The following ZNF710 variants were observed in gnomAD, a reference collection of about 807,000 sequenced individuals.
ZNF710 encodes the protein zinc finger protein 710.
A neutral mutation model predicts 50.6 loss-of-function variants in ZNF710; 13 were observed. That is an observed-to-expected ratio of 0.26 (90% CI 0.17 to 0.41). The LOEUF is 0.41. Ranked by LOEUF, ZNF710 falls within the 10% of genes least tolerant of loss-of-function variation. The probability of loss-of-function intolerance (pLI) is 1.00; values close to 1 mark genes in which losing one functional copy is unlikely to be tolerated. For missense variants in ZNF710, 721 were observed against 936.6 expected, an observed-to-expected ratio of 0.77 and a Z score of 3.01; for synonymous variants, 383 against 397.0, an observed-to-expected ratio of 0.96 and a Z score of 0.42.
intron 1 of ZNF710, among the ~76,000 whole-genome samples, chr15:90,058,701 T>TTATA (rs34907426): frequency 1.0e-4 from 15 of 143,596 alleles, no homozygotes; most frequent in Admixed American, 4.1e-4. Flanking sequence ...CACTATATAT[T>TTATA]TATATATATA....
intron 1 of ZNF710, among the ~76,000 whole-genome samples, chr15:90,030,206 G>A (rs1309117993): frequency 6.6e-6 from 1 of 151,440 alleles, no homozygotes; most frequent in Non-Finnish European, 1.5e-5. Flanking sequence ...GTGCATGCCT[G>A]TGATCCCAGC....
chr15:90,067,778 C>T lies in ZNF710; in HGVS notation c.641C>T (p.Thr214Ile). Reference sequence around the variant, plus strand: ...CTGCCTGGGCCAGAGGCCTTGCCCACAGAGTGTGGGTTCGAGCCACCCCAC... The same window carrying T: ...CTGCCTGGGCCAGAGGCCTTGCCCATAGAGTGTGGGTTCGAGCCACCCCAC... ...MALPGPEALPTECGFEPPHLA... is the reference protein window; with the variant it reads ...MALPGPEALPIECGFEPPHLA... Residue 214 changes from threonine (T) to isoleucine (I), a missense_variant, in exon 2 of 5, where the codon ACA becomes ATA. Thr to Ile is a moderately conservative substitution (Grantham distance 89). Transcript: ENST00000268154. The surrounding 1 kb of genome is among the most constrained non-coding windows in gnomAD (Gnocchi z 8.1). 1 of 1,585,822 alleles carries T rather than the reference C, an allele frequency of 6.3e-7. No individual in the cohort carries two copies. Among genetic ancestry groups the T allele is most frequent in the Non-Finnish European group, 8.6e-7 (1 of 1,167,062 alleles).
In ZNF710 at chr15:90,034,235, G is replaced by A. The variant is rs541948537; in HGVS notation, c.-29+32621G>A. Among the ~76,000 whole-genome samples, 2 of 148,690 alleles carry A rather than the reference G, an allele frequency of 1.3e-5. No homozygotes were observed. The highest frequency in any genetic ancestry group is 5.1e-5 in the African/African-American group (2 of 39,342). ...AAGAAAAGAAAAGAAAAGAAAACAG[G>A]TGAACGACAGTCACTCCTGGAGGGG... On this transcript the variant is annotated intron_variant, in intron 1 of 4. Transcript: ENST00000268154. The surrounding 1 kb of genome is among the most constrained non-coding windows in gnomAD (Gnocchi z 4.0).
At chr15:90,001,224 GAGAAA>G (rs1416175932), upstream of ZNF710, among the ~76,000 whole-genome samples, 6 of 152,128 alleles carry the variant, frequency 3.9e-5, no homozygotes, top group African/African-American at 1.4e-4. Flanking sequence ...GCGGTAGAAA[GAGAAA>G]AGAAAACTTG....
upstream of ZNF710, among the ~76,000 whole-genome samples, chr15:90,000,929 G>T (rs558092200): frequency 1.3e-5 from 2 of 152,072 alleles, no homozygotes; most frequent in East Asian, 3.9e-4. Context: ...ATTTCCAAGC[G>T]AGGTCTGCCT....
Position 90,079,701 on chromosome 15 carries a change from G to T in ZNF710, c.1867G>T (p.Asp623Tyr), listed in dbSNP as rs138919638. 14 of 1,613,812 alleles carry T rather than the reference G, an allele frequency of 8.7e-6. No individual in the cohort carries two copies. Among genetic ancestry groups the T allele is most frequent in the Middle Eastern group, 1.6e-4 (1 of 6,078 alleles). Residue 623 changes from aspartate (D) to tyrosine (Y), a missense_variant, in exon 5 of 5, where the codon GAC becomes TAC. Asp to Tyr is a radical substitution (Grantham distance 160). Around this residue, in one of 3 missense-constraint regions of ZNF710, gnomAD observed 69 missense variants for 67.6 expected, o/e 1.02. Coordinates refer to ENST00000268154, the MANE Select transcript of ZNF710 (RefSeq NM_198526.4). ...ELTGTDPSEL[D>Y]GQQEMEDFEE... is the part of the protein sequence containing the mutation. ...GACAGGCACTGACCCTTCAGAGCTC[G>T]ACGGCCAGCAGGAGATGGAGGACTT...
chr15:90,008,918 G>A (rs749979684), intron 1 of ZNF710, among the ~76,000 whole-genome samples: 15 of 152,104 alleles, frequency 9.9e-5, no homozygotes, highest in Non-Finnish European at 1.6e-4. Flanking sequence ...TAGTGTAGTC[G>A]GAAGCTGAGA....
intron 1 of ZNF710, among the ~76,000 whole-genome samples, chr15:90,035,610 T>G (rs1899097789): frequency 6.6e-6 from 1 of 152,236 alleles, no homozygotes; most frequent in African/African-American, 2.4e-5. Flanking sequence ...TCATCTGAGT[T>G]AGGCCGGGCT....
intron 1 of ZNF710, among the ~76,000 whole-genome samples, chr15:90,029,585 A>G (rs1898872729): frequency 6.6e-6 from 1 of 152,096 alleles, no homozygotes; most frequent in Admixed American, 6.5e-5. Flanking sequence ...TGGGAAAGGT[A>G]GCAAGACCCA....
At chr15:90,038,058 C>T (rs981736834) in intron 1 of ZNF710, among the ~76,000 whole-genome samples, 1 of 152,198 alleles carries the variant, frequency 6.6e-6, no homozygotes, top group African/African-American at 2.4e-5. Flanking sequence ...ACTGATTTCC[C>T]CTCGACCCGC....
chr15:90,006,540 C>T (rs1476836711), intron 1 of ZNF710, among the ~76,000 whole-genome samples: 1 of 152,182 alleles, frequency 6.6e-6, no homozygotes, highest in Non-Finnish European at 1.5e-5. Context: ...CACAAATACT[C>T]TTTAATTACA....
chr15:89,998,484 C>G (rs997400018), upstream of ZNF710, among the ~76,000 whole-genome samples: 1 of 152,212 alleles, frequency 6.6e-6, no homozygotes, highest in African/African-American at 2.4e-5. Context: ...GTTCACCAAT[C>G]CCAGCCTCCC....
intron 1 of ZNF710, among the ~76,000 whole-genome samples, chr15:90,055,004 A>G (rs1899767648): frequency 6.6e-6 from 1 of 152,150 alleles, no homozygotes. Flanking sequence ...GCAACAATTT[A>G]TTCTATCTGT....
Position 90,054,289 on chromosome 15 carries a change from G to A in ZNF710, c.-28-12821G>A, listed in dbSNP as rs371899380. Among the ~76,000 whole-genome samples, 7 of 152,124 alleles carry A rather than the reference G, an allele frequency of 4.6e-5. No individual in the cohort carries two copies. The East Asian group carries it at 1.2e-3, about 25-fold the overall frequency. On this transcript the variant is annotated intron_variant, in intron 1 of 4. Transcript: ENST00000268154. The stretch of plus-strand genomic sequence containing the variant: ...AAACCGAAGGAGGGGAGGAATGGAG[G>A]GAGAGGAAGATGGGATGGAGAAGGC...
chr15:90,072,928 T>C (rs1393102565), intron 2 of ZNF710, 143 bp from the exon 3 acceptor site: 1 of 833,410 alleles, frequency 1.2e-6, no homozygotes, highest in African/African-American at 1.7e-5. Context: ...TTACCTATTT[T>C]GGAATACCCT....
chr15:90,019,659 C>A (rs1302083073), intron 1 of ZNF710, among the ~76,000 whole-genome samples: 1 of 152,192 alleles, frequency 6.6e-6, no homozygotes, highest in Non-Finnish European at 1.5e-5. Context: ...CTGAGAGACT[C>A]CGGGCACAGC....
intron 1 of ZNF710, among the ~76,000 whole-genome samples, chr15:90,048,744 A>T (rs528778123): frequency 1.3e-3 from 196 of 152,328 alleles, no homozygotes; most frequent in African/African-American, 4.5e-3. Context: ...AAAATTTCAG[A>T]AAAGAGGTAG....
At chr15:90,006,540 CT>C (rs1270392528) in intron 1 of ZNF710, among the ~76,000 whole-genome samples, 1 of 152,182 alleles carries the variant, frequency 6.6e-6, no homozygotes, top group Non-Finnish European at 1.5e-5. Context: ...CACAAATACT[CT>C]TTAATTACAG....
chr15:90,051,450 A>G (rs1435159253), intron 1 of ZNF710, among the ~76,000 whole-genome samples: 1 of 151,910 alleles, frequency 6.6e-6, no homozygotes, highest in Admixed American at 6.6e-5. Flanking sequence ...CCTGGCCAAC[A>G]TGGCAAAACC....
Sources: gnomAD v4.1 joint callset for allele counts (sites outside exome capture counted in the v4.1 genomes callset) on GRCh38, gnomAD v4.1.1 for gene constraint, gnomAD v4.1.1 regional missense constraint, Gnocchi (gnomAD v3.1) non-coding constraint, MANE v1.5 for transcripts, NCBI Gene and HGNC (gene_info 2026-07-23, HGNC 2026-07-21) for gene names.